Variants in IL1RAPL2 observed in about 807,000 individuals in gnomAD.
The protein encoded by IL1RAPL2 is interleukin 1 receptor accessory protein like 2, also known as X-linked interleukin-1 receptor accessory protein-like 2.
IL1RAPL2 carries 3 observed loss-of-function variants against 44.1 expected under a neutral mutation model. The ratio of observed to expected loss-of-function variants is 0.07; its 90% CI spans 0.03 to 0.18. The LOEUF (loss-of-function observed/expected upper bound fraction) is 0.18. Among genes scored for constraint, IL1RAPL2 ranks in the 10% least tolerant of loss-of-function variants. The pLI, the probability that IL1RAPL2 is intolerant of heterozygous loss-of-function variation, is 1.00. For missense variants in IL1RAPL2, 391 were observed against 496.4 expected (o/e 0.79, Z 2.02); for synonymous variants, 181 against 178.8 (o/e 1.01, Z -0.10).
At position 105,225,770 on chromosome X, in the gene IL1RAPL2, T is replaced by A. The variant is rs189684103; in HGVS notation, c.357-8048T>A. Among the ~76,000 whole-genome samples, 686 of 109,308 alleles carry A rather than the reference T, an allele frequency of 6.3e-3. 7 individuals carry two copies. The highest frequency in any genetic ancestry group is 0.022 in the African/African-American group (656 of 29,936). The allele number at this position is 109,308 out of a possible 115,157, so 94.9% of individuals were successfully genotyped here. ...GGCACGATCTTGGCTCACTGCAACC[T>A]CCGCCTCTCAGGTTCAAGTGATTCT... On this transcript the variant is annotated intron_variant, in intron 3 of 10. Transcript: ENST00000372582.
At chrX:104,773,440 C>G (rs1011754408) in intron 2 of IL1RAPL2, among the ~76,000 whole-genome samples, 32 of 111,560 alleles carry the variant, frequency 2.9e-4, no homozygotes, top group Non-Finnish European at 3.6e-4. Context: ...AATCTATTCA[C>G]CTTTCTTTTT....
rs2032606957 is a variant in IL1RAPL2 at position 105,096,678 on chromosome X, G to A, written c.83-98797G>A. On this transcript the variant is annotated intron_variant, in intron 2 of 10. Coordinates refer to ENST00000372582, the MANE Select transcript of IL1RAPL2 (RefSeq NM_017416.2). ...ACAAAAACTTGGTTAGTGGTTGCCA[G>A]AGGCTGGGAGAAAGGGGAAATGGGC... is the stretch of plus-strand genomic sequence containing the variant. Among the ~76,000 whole-genome samples, 3 of 111,690 alleles carry A rather than the reference G, an allele frequency of 2.7e-5. No individual in the cohort carries two copies. The South Asian group carries it at 1.1e-3, about 42-fold the overall frequency.
intron 5 of IL1RAPL2, among the ~76,000 whole-genome samples, chrX:105,282,387 C>T (rs1351184006): frequency 8.9e-6 from 1 of 111,872 alleles, no homozygotes; most frequent in Non-Finnish European, 1.9e-5. Flanking sequence ...TAAATCATTT[C>T]TTGGTACTGG....
chrX:105,457,033 T>TACACACACAC lies in IL1RAPL2; in HGVS notation c.698-27242_698-27233dup, dbSNP rs58305468. Among the ~76,000 whole-genome samples, 340 of 85,311 alleles carry TACACACACAC rather than the reference T, an allele frequency of 4.0e-3. 3 individuals carry two copies. Among genetic ancestry groups the TACACACACAC allele is most frequent in the African/African-American group, 0.011 (251 of 22,438 alleles). The allele number at this position is 85,311 out of a possible 115,157, so 74.1% of individuals were successfully genotyped here. The stretch of plus-strand genomic sequence containing the variant: ...ATTGCTGGTTATTTATCTAAAGTTA[T>TACACACACAC]ACACACACACACACACACACACACA... On this transcript the variant is annotated intron_variant, in intron 5 of 10. Coordinates refer to ENST00000372582, the MANE Select transcript of IL1RAPL2 (RefSeq NM_017416.2).
intron 2 of IL1RAPL2, among the ~76,000 whole-genome samples, chrX:104,715,809 T>A (rs1466046928): frequency 9.0e-6 from 1 of 110,997 alleles, no homozygotes. Flanking sequence ...TGGAAAAACA[T>A]TCCATGCCTA....
intron 5 of IL1RAPL2, among the ~76,000 whole-genome samples, chrX:105,477,078 G>A (rs747486348): frequency 8.9e-6 from 1 of 111,943 alleles, no homozygotes; most frequent in Non-Finnish European, 1.9e-5. Context: ...ATGCTTTTTT[G>A]CAGCAGGTTT....
At chrX:104,579,289 G>A (rs1928298689) in intron 1 of IL1RAPL2, among the ~76,000 whole-genome samples, 1 of 111,748 alleles carries the variant, frequency 8.9e-6, no homozygotes, top group Non-Finnish European at 1.9e-5. Context: ...ATAATGACAT[G>A]CATATGTATG....
chrX:105,448,236 T>C (rs2035990127), intron 5 of IL1RAPL2, among the ~76,000 whole-genome samples: 1 of 109,989 alleles, frequency 9.1e-6, no homozygotes, highest in Non-Finnish European at 1.9e-5. Flanking sequence ...TTAAGTGTGC[T>C]GGGTGTTCTA....
At chrX:104,731,686 G>A (rs1273434129) in intron 2 of IL1RAPL2, among the ~76,000 whole-genome samples, 1 of 111,211 alleles carries the variant, frequency 9.0e-6, no homozygotes, top group African/African-American at 3.3e-5. Flanking sequence ...TAAAGGTGTG[G>A]GCCTTTAAAG....
At chrX:105,708,115 G>A (rs1464234873) in intron 6 of IL1RAPL2, among the ~76,000 whole-genome samples, 8 of 111,128 alleles carry the variant, frequency 7.2e-5, no homozygotes, top group African/African-American at 6.5e-5. Flanking sequence ...ACAGCTTTGC[G>A]TTTCATTTTC....
Position 105,186,353 on chromosome X carries a change from T to C in IL1RAPL2, c.83-9122T>C, listed in dbSNP as rs782696406. Among the ~76,000 whole-genome samples the C allele has an allele frequency of 4.5e-5, 5 of 111,869 alleles. No homozygotes were observed. The South Asian group carries it at 1.9e-3, about 42-fold the overall frequency. On this transcript the variant is annotated intron_variant, in intron 2 of 10. Transcript: ENST00000372582. ...TAAGGTAGGAAAACCAAGATGCCAT[T>C]TGACACCTACTTAAGCTCAGAGCAT...
chrX:105,234,055 T>G, intron 4 of IL1RAPL2, 51 bp downstream of exon 4: 3 of 1,021,574 alleles, frequency 2.9e-6, no homozygotes, highest in Non-Finnish European at 4.0e-6. Flanking sequence ...AATAGCAGTC[T>G]TGGGGATGAG....
At chrX:104,865,565 T>G in intron 2 of IL1RAPL2, among the ~76,000 whole-genome samples, 1 of 111,407 alleles carries the variant, frequency 9.0e-6, no homozygotes, top group Admixed American at 9.5e-5. Context: ...AACATTTGAG[T>G]CAGTGGACTG....
intron 2 of IL1RAPL2, among the ~76,000 whole-genome samples, chrX:105,092,102 T>C (rs890247996): frequency 1.8e-5 from 2 of 111,509 alleles, no homozygotes; most frequent in South Asian, 3.8e-4. Flanking sequence ...TTCATTGTTA[T>C]CGTCCTTCAT....
intron 1 of IL1RAPL2, among the ~76,000 whole-genome samples, chrX:104,637,051 T>C (rs866265236): frequency 0.053 from 5,855 of 109,721 alleles, 425 homozygotes; most frequent in African/African-American, 0.18. Flanking sequence ...TTAAATTTGT[T>C]CCTAGGTAGT....
In IL1RAPL2 at chrX:104,960,257, C is replaced by T. The variant is rs1344511225; in HGVS notation, c.83-235218C>T. ...AGCTGGGGAAGTCTATTGAAGAATACAAGGAAAGGAAAACTACCTAAGGTT... is the reference window on the plus strand; with the variant it reads ...AGCTGGGGAAGTCTATTGAAGAATATAAGGAAAGGAAAACTACCTAAGGTT... On this transcript the variant is annotated intron_variant, in intron 2 of 10. Transcript: ENST00000372582. 3.6e-5 allele frequency among the ~76,000 whole-genome samples: 4 copies of T among 111,745 alleles called. No homozygotes were observed. In the Admixed American group the frequency reaches 3.8e-4, roughly 11 times the overall value.
chrX:104,729,063 A>C (rs2147569850), intron 2 of IL1RAPL2, among the ~76,000 whole-genome samples: 1 of 111,371 alleles, frequency 9.0e-6, no homozygotes, highest in South Asian at 3.8e-4. Context: ...TTATTTAAAT[A>C]GAATCTGTAT....
chrX:105,333,206 A>G (rs1442358149), intron 5 of IL1RAPL2, among the ~76,000 whole-genome samples: 1 of 111,410 alleles, frequency 9.0e-6, no homozygotes, highest in Non-Finnish European at 1.9e-5. Flanking sequence ...CCCAGAAACA[A>G]TTCCACACGC....
intron 6 of IL1RAPL2, among the ~76,000 whole-genome samples, chrX:105,657,976 T>TA (rs1216043831): frequency 3.2e-4 from 33 of 103,972 alleles, no homozygotes; most frequent in Admixed American, 9.4e-4. Context: ...AGCACCAAAT[T>TA]AAAAAAAAAA....
Sources: allele counts gnomAD v4.1 joint callset (sites outside exome capture counted in the v4.1 genomes callset), GRCh38; gene constraint gnomAD v4.1.1; transcripts MANE v1.5; gene names NCBI Gene and HGNC (gene_info 2026-07-23, HGNC 2026-07-21).